Variants in GPR158 observed in about 807,000 individuals in gnomAD.
The protein encoded by GPR158 is G protein-coupled receptor 158, also known as metabotropic glycine receptor.
In GPR158, 30 loss-of-function variants were observed where a neutral mutation model predicts 78.2. The observed-to-expected ratio is 0.38, with a 90% CI of 0.29 to 0.52. GPR158 has a LOEUF of 0.52. Among genes scored for constraint, GPR158 ranks in the 20% least tolerant of loss-of-function variants. The probability of loss-of-function intolerance (pLI) is 0.83; values close to 1 mark genes in which losing one functional copy is unlikely to be tolerated. For synonymous variants in GPR158, 581 were observed against 591.1 expected, an observed-to-expected ratio of 0.98 and a Z score of 0.25; for missense variants, 1,463 against 1,523.5, an observed-to-expected ratio of 0.96 and a Z score of 0.66.
intron 2 of GPR158, among the ~76,000 whole-genome samples, chr10:25,267,209 G>T (rs897937930): frequency 5.6e-4 from 85 of 152,066 alleles, no homozygotes; most frequent in African/African-American, 2.0e-3. Flanking sequence ...CCCAAGAGTG[G>T]GTAATTTTTA....
At chr10:25,255,875 T>G (rs796353698) in intron 2 of GPR158, among the ~76,000 whole-genome samples, 2 of 152,340 alleles carry the variant, frequency 1.3e-5, no homozygotes, top group African/African-American at 4.8e-5. Flanking sequence ...ATCATGGCAG[T>G]AAAATCCATC....
intron 5 of GPR158, among the ~76,000 whole-genome samples, chr10:25,538,535 G>A (rs1836531302): frequency 6.6e-6 from 1 of 152,098 alleles, no homozygotes; most frequent in African/African-American, 2.4e-5. Context: ...AGACTGGAGT[G>A]CGATGGTTAT....
chr10:25,564,904 C>A (rs1381438962), intron 6 of GPR158, among the ~76,000 whole-genome samples: 2 of 152,094 alleles, frequency 1.3e-5, no homozygotes, highest in African/African-American at 4.8e-5. Context: ...GTTCCCTATT[C>A]CATCATTTTT....
chr10:25,570,055 T>C (rs1027350012), intron 6 of GPR158, among the ~76,000 whole-genome samples: 1 of 152,190 alleles, frequency 6.6e-6, no homozygotes, highest in African/African-American at 2.4e-5. Flanking sequence ...CTGGAGAATG[T>C]AGTCATTCAA....
rs1041918382 is a variant in GPR158 at position 25,191,931 on chromosome 10, A to T, written c.902+15609A>T. Among the ~76,000 whole-genome samples the T allele has an allele frequency of 2.6e-5, 4 of 152,236 alleles. No homozygotes were observed. The East Asian group carries it at 7.7e-4, about 29-fold the overall frequency. On this transcript the variant is annotated intron_variant, in intron 1 of 10. Coordinates refer to ENST00000376351, the MANE Select transcript of GPR158 (RefSeq NM_020752.3). ...TAAGAGCAACCTGCCTCCTGTTATTATCTGTCTCTTTATGTAAACATCCTG... is the reference window on the plus strand; with the variant it reads ...TAAGAGCAACCTGCCTCCTGTTATTTTCTGTCTCTTTATGTAAACATCCTG...
intron 1 of GPR158, among the ~76,000 whole-genome samples, chr10:25,218,653 A>G (rs1490801134): frequency 6.6e-6 from 1 of 152,186 alleles, no homozygotes; most frequent in East Asian, 1.9e-4. Flanking sequence ...ACCAAAATGT[A>G]GTGGACAACA....
intron 2 of GPR158, among the ~76,000 whole-genome samples, chr10:25,387,516 ATTTTTTTTT>A (rs57404980): frequency 1.4e-5 from 2 of 140,486 alleles, no homozygotes; most frequent in Non-Finnish European, 3.0e-5. Context: ...TTCTCTTCAA[ATTTTTTTTT>A]TTTTTTTTGA....
At chr10:25,241,318 TC>T in intron 2 of GPR158, among the ~76,000 whole-genome samples, 10 of 140,236 alleles carry the variant, frequency 7.1e-5, no homozygotes, top group African/African-American at 2.4e-4. Flanking sequence ...TCTTTTCTCT[TC>T]TCTTCTCTTC....
At position 25,328,021 on chromosome 10, in the gene GPR158, A is replaced by G. The variant is rs181177758; in HGVS notation, c.1009-67890A>G. Among the ~76,000 whole-genome samples the G allele has an allele frequency of 4.0e-3, 603 of 152,332 alleles. 1 individual carries two copies. The highest frequency in any genetic ancestry group is 6.7e-3 in the Non-Finnish European group (457 of 68,028). On this transcript the variant is annotated intron_variant, in intron 2 of 10. Transcript: ENST00000376351. The stretch of plus-strand genomic sequence containing the variant: ...CAAAACTGAAGAAAAAGATTTAAAG[A>G]ATGACAGTGTTAACAGTATAACTAT...
At chr10:25,528,704 G>A (rs1836383879) in intron 5 of GPR158, among the ~76,000 whole-genome samples, 1 of 152,168 alleles carries the variant, frequency 6.6e-6, no homozygotes, top group Non-Finnish European at 1.5e-5. Context: ...AAATTGTTCT[G>A]TAGAATCATT....
rs929867285 is a variant in GPR158, at chr10:25,572,726, CAGTAATACTCTT to C, written c.1593_1604del (p.Ile533_Val536del). Reference sequence around the variant, plus strand: ...GGCGGACGGGTCATGAGGATGCTGGCAGTAATACTCTTGGTAGTGTTTTGGTTTCTCATTGGC... The same window carrying C: ...GGCGGACGGGTCATGAGGATGCTGGCGGTAGTGTTTTGGTTTCTCATTGGC... On this transcript the variant is annotated inframe_deletion, in exon 7 of 11. Coordinates refer to ENST00000376351, the MANE Select transcript of GPR158 (RefSeq NM_020752.3). 3 of 1,613,864 alleles carry C rather than the reference CAGTAATACTCTT, an allele frequency of 1.9e-6. No homozygotes were observed. Among genetic ancestry groups the C allele is most frequent in the Non-Finnish European group, 1.7e-6 (2 of 1,179,766 alleles).
intron 2 of GPR158, among the ~76,000 whole-genome samples, chr10:25,371,578 C>A (rs890389387): frequency 8.2e-5 from 12 of 146,656 alleles, no homozygotes; most frequent in African/African-American, 3.0e-4. Context: ...TGATCTTTGA[C>A]AAACCTGAGA....
intron 2 of GPR158, among the ~76,000 whole-genome samples, chr10:25,368,893 G>C (rs1321808072): frequency 6.7e-6 from 1 of 148,194 alleles, no homozygotes; most frequent in Admixed American, 6.8e-5. Context: ...CACATCCCTT[G>C]TAAGTTGGAT....
Position 25,324,483 on chromosome 10 carries a change from G to A in GPR158, c.1009-71428G>A, listed in dbSNP as rs533147918. ...TGATTAAGTTTGCTGTATTATATGG[G>A]CATGGTTCATGGTATCCCAAACAAT... is the stretch of plus-strand genomic sequence containing the variant. On this transcript the variant is annotated intron_variant, in intron 2 of 10. Transcript: ENST00000376351. Among the ~76,000 whole-genome samples the A allele has an allele frequency of 9.5e-4, 145 of 152,278 alleles. No individual in the cohort carries two copies. In the Middle Eastern group the frequency reaches 0.017, roughly 18 times the overall value.
intron 2 of GPR158, among the ~76,000 whole-genome samples, chr10:25,311,902 G>GT (rs1304484304): frequency 6.6e-6 from 1 of 152,016 alleles, no homozygotes; most frequent in African/African-American, 2.4e-5. Context: ...TGCAAAGCTA[G>GT]TGAGAAGATT....
At chr10:25,477,280 G>A (rs1348238289) in intron 5 of GPR158, among the ~76,000 whole-genome samples, 1 of 152,052 alleles carries the variant, frequency 6.6e-6, no homozygotes, top group African/African-American at 2.4e-5. Context: ...AGAATATAGC[G>A]AAAGCAGCCA....
At chr10:25,520,696 G>A (rs1836250712) in intron 5 of GPR158, among the ~76,000 whole-genome samples, 1 of 152,080 alleles carries the variant, frequency 6.6e-6, no homozygotes, top group Non-Finnish European at 1.5e-5. Flanking sequence ...GGGGGTCAGG[G>A]GTCAGGGACC....
chr10:25,377,345 TTC>T (rs1334803360), intron 2 of GPR158, among the ~76,000 whole-genome samples: 23 of 152,138 alleles, frequency 1.5e-4, no homozygotes, highest in African/African-American at 4.8e-4. Context: ...AGGAAATGTC[TTC>T]TTTTATTTAC....
intron 5 of GPR158, among the ~76,000 whole-genome samples, chr10:25,496,298 A>C (rs1246756078): frequency 6.6e-6 from 1 of 152,098 alleles, no homozygotes; most frequent in Non-Finnish European, 1.5e-5. Flanking sequence ...CTGCACGTCG[A>C]CTATACTACG....
Sources: allele counts gnomAD v4.1 joint callset (sites outside exome capture counted in the v4.1 genomes callset), GRCh38; gene constraint gnomAD v4.1.1; transcripts MANE v1.5; gene names NCBI Gene and HGNC (gene_info 2026-07-23, HGNC 2026-07-21).